Variants in PCDHA3 observed in about 807,000 individuals in gnomAD.
PCDHA3 encodes the protein protocadherin alpha 3.
PCDHA3 carries 41 observed loss-of-function variants against 62.2 expected under a neutral mutation model. The ratio of observed to expected loss-of-function variants is 0.66; its 90% CI spans 0.51 to 0.86. PCDHA3 has a LOEUF of 0.86. PCDHA3 is among the 40% of genes least tolerant of loss of function. PCDHA3 has a pLI of 0.00. For missense variants in PCDHA3, 1,304 were observed against 1,241.2 expected (o/e 1.05, Z -0.76); for synonymous variants, 640 against 555.4 (o/e 1.15, Z -2.14).
At chr5:140,897,395 G>A (rs1583270355) in intron 1 of PCDHA3, among the ~76,000 whole-genome samples, 1 of 135,586 alleles carries the variant, frequency 7.4e-6, no homozygotes, top group Middle Eastern at 5.0e-3. Flanking sequence ...GTGTCCATGT[G>A]TTCTCATTGT....
intron 1 of PCDHA3, chr5:140,876,095 T>C (rs781801828): frequency 4.3e-6 from 7 of 1,613,928 alleles, no homozygotes; most frequent in Non-Finnish European, 5.9e-6. Context: ...ACGCCAAAAC[T>C]CAATTTATTG....
chr5:140,881,398 A>G, intron 1 of PCDHA3: 1 of 975,546 alleles, frequency 1.0e-6, no homozygotes, highest in Non-Finnish European at 1.2e-6. Context: ...GTTAAATTCT[A>G]TTAAATCAAT....
chr5:140,946,091 A>G (rs1554217315), intron 1 of PCDHA3, among the ~76,000 whole-genome samples: 1 of 152,040 alleles, frequency 6.6e-6, no homozygotes, highest in Non-Finnish European at 1.5e-5. Flanking sequence ...TCTGATAAGG[A>G]GTTAACATAC....
At chr5:140,818,985 T>C (rs1212659163) in intron 1 of PCDHA3, among the ~76,000 whole-genome samples, 1 of 152,252 alleles carries the variant, frequency 6.6e-6, no homozygotes, top group Non-Finnish European at 1.5e-5. Flanking sequence ...ACTATTCTCA[T>C]ATTTTCTATC....
intron 1 of PCDHA3, chr5:140,843,512 G>A (rs782010980): frequency 6.3e-7 from 1 of 1,595,964 alleles, no homozygotes; most frequent in Non-Finnish European, 8.6e-7. Flanking sequence ...CACTGAGGGC[G>A]GGTGCCGGGC....
At position 140,834,666 on chromosome 5, in the gene PCDHA3, C is replaced by G. The variant is rs2150223813; in HGVS notation, c.2394+31075C>G. The G allele has an allele frequency of 1.1e-5, 17 of 1,614,250 alleles. No individual in the cohort carries two copies. In the East Asian group the frequency reaches 3.8e-4, roughly 36 times the overall value. On this transcript the variant is annotated intron_variant, in intron 1 of 3. Transcript: ENST00000522353. Reference sequence around the variant, plus strand: ...GAATTCTCGGATCGACCGCGAGGAGCTGTGCGGGCGGAGCGCGGAGTGCAG... The same window carrying G: ...GAATTCTCGGATCGACCGCGAGGAGGTGTGCGGGCGGAGCGCGGAGTGCAG...
chr5:140,996,175 C>T (rs1296990069), intron 3 of PCDHA3, among the ~76,000 whole-genome samples: 2 of 152,336 alleles, frequency 1.3e-5, no homozygotes, highest in Middle Eastern at 3.4e-3. Flanking sequence ...GTGCTGACAG[C>T]ACCTCCATTT....
At chr5:140,884,456 G>T in intron 1 of PCDHA3, 2 of 1,613,768 alleles carry the variant, frequency 1.2e-6, no homozygotes, top group Non-Finnish European at 1.7e-6. Context: ...GCCCACCGAG[G>T]GCGCGTGCGC....
chr5:140,964,338 G>T (rs2153739261), intron 1 of PCDHA3, among the ~76,000 whole-genome samples: 1 of 152,320 alleles, frequency 6.6e-6, no homozygotes, highest in South Asian at 2.1e-4. Flanking sequence ...AACCTGGCAG[G>T]TGTCCTTGCT....
At chr5:140,859,740 G>A (rs2045997689) in intron 1 of PCDHA3, 1 of 154,064 alleles carries the variant, frequency 6.5e-6, no homozygotes. Flanking sequence ...ATTTAAGCAT[G>A]GCATTCTTTC....
chr5:140,869,010 T>C (rs919333995), intron 1 of PCDHA3: 3 of 1,523,768 alleles, frequency 2.0e-6, no homozygotes, highest in African/African-American at 2.8e-5. Flanking sequence ...CCTTTGAAAC[T>C]TCTTAAGAAT....
intron 1 of PCDHA3, among the ~76,000 whole-genome samples, chr5:140,932,575 G>A (rs1554208974): frequency 6.6e-6 from 1 of 151,674 alleles, no homozygotes; most frequent in South Asian, 2.1e-4. Context: ...TTTCCCATAG[G>A]GTAATTAGAT....
intron 1 of PCDHA3, chr5:140,882,774 C>T (rs782785084): frequency 1.2e-6 from 2 of 1,614,228 alleles, no homozygotes; most frequent in Non-Finnish European, 1.7e-6. Flanking sequence ...TCGGCATTGA[C>T]CTACCGACTG....
chr5:140,869,247 C>A (rs1186478553), intron 1 of PCDHA3: 2 of 1,613,526 alleles, frequency 1.2e-6, no homozygotes, highest in Admixed American at 3.3e-5. Context: ...TGGGCCGCAT[C>A]GCGCAGGACC....
At chr5:140,926,438 G>A (rs2083248814) in intron 1 of PCDHA3, 1 of 154,646 alleles carries the variant, frequency 6.5e-6, no homozygotes, top group African/African-American at 2.4e-5. Flanking sequence ...TTAAGATCTG[G>A]GCAGCCTCAG....
chr5:140,865,903 ATCTT>A (rs1453140496), intron 1 of PCDHA3: 10 of 152,252 alleles, frequency 6.6e-5, no homozygotes, highest in African/African-American at 1.9e-4. Flanking sequence ...GTACAGGCAA[ATCTT>A]TCTTTCTGTT....
intron 3 of PCDHA3, among the ~76,000 whole-genome samples, chr5:140,987,261 T>C (rs1245588314): frequency 6.6e-6 from 1 of 151,964 alleles, no homozygotes; most frequent in African/African-American, 2.4e-5. Context: ...TTCTCAGGAA[T>C]GGGACCCGGC....
At chr5:140,824,253 T>C in intron 1 of PCDHA3, 2 of 1,382,282 alleles carry the variant, frequency 1.4e-6, no homozygotes, top group South Asian at 1.3e-5. Flanking sequence ...TACACAATTA[T>C]TGCACTAATT....
chr5:140,840,414 T>C (rs1377292591), intron 1 of PCDHA3, among the ~76,000 whole-genome samples: 1 of 151,872 alleles, frequency 6.6e-6, no homozygotes, highest in Non-Finnish European at 1.5e-5. Flanking sequence ...ATACTTCAAA[T>C]AATAGGCTAG....
Sources: gnomAD v4.1 joint callset for allele counts (sites outside exome capture counted in the v4.1 genomes callset) on GRCh38, gnomAD v4.1.1 for gene constraint, MANE v1.5 for transcripts, NCBI Gene and HGNC (gene_info 2026-07-23, HGNC 2026-07-21) for gene names.